Variants in USH2A observed in about 807,000 individuals in gnomAD.
USH2A encodes Usher syndrome 2A (autosomal recessive, mild).
In USH2A, 443 loss-of-function variants were observed where a neutral mutation model predicts 538.9. The observed-to-expected ratio is 0.82, with a 90% CI of 0.76 to 0.89. USH2A has a LOEUF of 0.89. Ranked by LOEUF, USH2A falls within the 40% of genes least tolerant of loss-of-function variation. The pLI is 0.00. For missense variants in USH2A, 6,633 were observed against 6,324.8 expected (o/e 1.05, Z -1.65); for synonymous variants, 2,413 against 2,273.5 (o/e 1.06, Z -1.75).
intron 3 of USH2A, among the ~76,000 whole-genome samples, chr1:216,405,572 A>G (rs2039381700): frequency 6.6e-6 from 1 of 152,210 alleles, no homozygotes. Flanking sequence ...GATGTGCACA[A>G]TCTGGAGCAC....
rs1462312577 is a variant in USH2A at position 215,741,461 on chromosome 1, A to C, written c.11625T>G (p.Leu3875=). Residue 3875 remains leucine (L), a synonymous_variant, in exon 60 of 72, where the codon CTT becomes CTG. Coordinates refer to ENST00000307340, the MANE Select transcript of USH2A (RefSeq NM_206933.4). ...CTATGCAAGCTGACCCCAGTGCCTT[A>C]AGAACAGGAGAATTAAGATCCATTG... ...AAPMDLNSPV[L]KALGSACIEI... 2 of 1,614,104 alleles carry C rather than the reference A, an allele frequency of 1.2e-6. No homozygotes were observed. Among genetic ancestry groups the C allele is most frequent in the Admixed American group, 3.3e-5 (2 of 60,012 alleles).
chr1:215,905,668 G>C (rs1665622490), intron 38 of USH2A, among the ~76,000 whole-genome samples: 1 of 151,982 alleles, frequency 6.6e-6, no homozygotes, highest in African/African-American at 2.4e-5. Flanking sequence ...CTGCCCTGGG[G>C]GTACTATCAG....
At chr1:215,818,425 TTAAC>T (rs769359813) in intron 47 of USH2A, among the ~76,000 whole-genome samples, 11 of 151,866 alleles carry the variant, frequency 7.2e-5, no homozygotes, top group Admixed American at 4.6e-4. Context: ...CAATAACTCT[TTAAC>T]TAGCATGGTC....
At chr1:215,806,213 A>G (rs2102786216) in intron 49 of USH2A, among the ~76,000 whole-genome samples, 1 of 152,262 alleles carries the variant, frequency 6.6e-6, no homozygotes, top group East Asian at 1.9e-4. Context: ...CACATATCAA[A>G]TAATTTTCAG....
Position 215,820,471 on chromosome 1 carries a change from A to G in USH2A, c.9372-3276T>C, listed in dbSNP as rs74593578. Among the ~76,000 whole-genome samples the G allele has an allele frequency of 5.4e-3, 827 of 151,860 alleles. 6 individuals carry two copies. The highest frequency in any genetic ancestry group is 0.018 in the African/African-American group (766 of 41,522). The stretch of plus-strand genomic sequence containing the variant: ...ATATATTTTAATCAATACATAATAG[A>G]TGTACATATTTCAGGGTCCATGTGA... On this transcript the variant is annotated intron_variant, in intron 47 of 71. Coordinates refer to ENST00000307340, the MANE Select transcript of USH2A (RefSeq NM_206933.4).
chr1:215,841,148 C>A (rs1663666164), intron 46 of USH2A, among the ~76,000 whole-genome samples: 1 of 152,148 alleles, frequency 6.6e-6, no homozygotes, highest in Admixed American at 6.5e-5. Context: ...CAATGATATT[C>A]CCATTAAACT....
intron 3 of USH2A, among the ~76,000 whole-genome samples, chr1:216,386,543 A>AC (rs2039011892): frequency 2.5e-4 from 1 of 4,040 alleles, no homozygotes; most frequent in South Asian, 7.8e-3. Flanking sequence ...CCAAAAAACT[A>AC]TATATATATA....
At chr1:215,999,083 A>G in intron 33 of USH2A, 25 bp from the exon 34 acceptor site, 1 of 1,597,252 alleles carries the variant, frequency 6.3e-7, no homozygotes, top group Non-Finnish European at 8.6e-7. Context: ...ATACATTATT[A>G]TCATTCATTC....
chr1:216,198,483 G>A lies in USH2A; in HGVS notation c.3913C>T (p.Pro1305Ser). The A allele has an allele frequency of 6.2e-7, 1 of 1,614,010 alleles. No homozygotes were observed. Among genetic ancestry groups the A allele is most frequent in the Non-Finnish European group, 8.5e-7 (1 of 1,179,964 alleles). ...TTGGCCGATTCTACAAATGAATGAGGACTGAGCCAACCACTGCTCTGAAAA... is the reference window on the plus strand; with the variant it reads ...TTGGCCGATTCTACAAATGAATGAGAACTGAGCCAACCACTGCTCTGAAAA... ...RVFQSSGWLS[P>S]HSFVESANEN... The change falls in exon 18 of 72, where the codon CCT becomes TCT. Residue 1305 changes from proline to serine, a missense_variant. By Grantham distance (74) the Pro-to-Ser change is moderately conservative (BLOSUM62 -1). Coordinates refer to ENST00000307340, the MANE Select transcript of USH2A (RefSeq NM_206933.4).
At chr1:215,865,307 C>T (rs952282114) in intron 44 of USH2A, among the ~76,000 whole-genome samples, 2 of 152,148 alleles carry the variant, frequency 1.3e-5, no homozygotes, top group African/African-American at 4.8e-5. Flanking sequence ...CAGCAGATTG[C>T]ATTACCTACA....
intron 9 of USH2A, among the ~76,000 whole-genome samples, chr1:216,313,348 GT>G (rs1185417796): frequency 6.6e-6 from 1 of 152,138 alleles, no homozygotes; most frequent in Non-Finnish European, 1.5e-5. Context: ...TCTAGGATTA[GT>G]TTTCAGTTTT....
chr1:216,187,939 T>G (rs1286848286), intron 20 of USH2A, among the ~76,000 whole-genome samples: 1 of 151,952 alleles, frequency 6.6e-6, no homozygotes, highest in Non-Finnish European at 1.5e-5. Flanking sequence ...GGCTAACCAT[T>G]TTTTTCCCCT....
At chr1:216,045,091 T>G (rs1368407368) in intron 32 of USH2A, among the ~76,000 whole-genome samples, 1 of 152,100 alleles carries the variant, frequency 6.6e-6, no homozygotes, top group East Asian at 1.9e-4. Flanking sequence ...TATTACAACC[T>G]TAGTACCTGG....
chr1:215,954,884 T>C (rs925576674), intron 37 of USH2A, among the ~76,000 whole-genome samples: 3 of 152,122 alleles, frequency 2.0e-5, no homozygotes, highest in African/African-American at 7.2e-5. Flanking sequence ...CTAGCTACAA[T>C]GTCCTTCTTT....
intron 40 of USH2A, among the ~76,000 whole-genome samples, chr1:215,896,444 T>A (rs1417641859): frequency 6.6e-6 from 1 of 152,188 alleles, no homozygotes; most frequent in East Asian, 1.9e-4. Context: ...TCTTATTTCC[T>A]GGGAAATCTT....
At position 215,878,975 on chromosome 1, in the gene USH2A, G is replaced by A. The variant is rs764559200; in HGVS notation, c.8347C>T (p.Leu2783=). 35 of 1,613,998 alleles carry A rather than the reference G, an allele frequency of 2.2e-5. No individual in the cohort carries two copies. Among genetic ancestry groups the A allele is most frequent in the African/African-American group, 2.7e-5 (2 of 74,926 alleles). The change falls in exon 42 of 72, where the codon CTG becomes TTG. Residue 2783 remains leucine, a synonymous_variant. Coordinates refer to ENST00000307340, the MANE Select transcript of USH2A (RefSeq NM_206933.4). ...ACAGAATAATTAGTGAAAGGAATCA[G>A]ATGAGTAACTTTTTGACTTAACACT... The part of the protein sequence containing the change: ...SAVLSQKVTH[L]IPFTNYSVTI...
chr1:216,128,195 T>C lies in USH2A; in HGVS notation c.4628-30982A>G, dbSNP rs564998115. 3.9e-5 allele frequency among the ~76,000 whole-genome samples: 6 copies of C among 152,290 alleles called. No homozygotes were observed. In the East Asian group the frequency reaches 1.2e-3, roughly 29 times the overall value. On this transcript the variant is annotated intron_variant, in intron 21 of 71. Coordinates refer to ENST00000307340, the MANE Select transcript of USH2A (RefSeq NM_206933.4). ...TCAGATAATATTATATAGTTAAAAG[T>C]TGATTGAAAATTTATGTATGCCCAA...
Position 215,912,477 on chromosome 1 carries a change from G to GTA in USH2A, c.7301-11574_7301-11573dup, listed in dbSNP as rs1169263958. Among the ~76,000 whole-genome samples, 8 of 15,420 alleles carry GTA rather than the reference G, an allele frequency of 5.2e-4. 1 individual carries two copies. Among genetic ancestry groups the GTA allele is most frequent in the Non-Finnish European group, 1.0e-3 (7 of 6,758 alleles). The allele number at this position is 15,420 out of a possible 152,430, so 10.1% of individuals were successfully genotyped here. A position where few individuals can be genotyped will look rare whatever the true frequency, so the allele number is the denominator to read the frequency against. Reference sequence around the variant, plus strand: ...TGTATATATATATATATATATATACGTATATATATATATGTGTATATATAT... The same window carrying GTA: ...TGTATATATATATATATATATATACGTATATATATATATATGTGTATATATAT... On this transcript the variant is annotated intron_variant, in intron 38 of 71. Coordinates refer to ENST00000307340, the MANE Select transcript of USH2A (RefSeq NM_206933.4).
chr1:215,959,225 C>T (rs1056200180), intron 37 of USH2A, among the ~76,000 whole-genome samples: 14 of 151,746 alleles, frequency 9.2e-5, no homozygotes, highest in African/African-American at 3.4e-4. Flanking sequence ...ATATAACCAC[C>T]TAGAGATAAC....
Sources: allele counts gnomAD v4.1 joint callset (sites outside exome capture counted in the v4.1 genomes callset), GRCh38; gene constraint gnomAD v4.1.1; transcripts MANE v1.5; gene names NCBI Gene and HGNC (gene_info 2026-07-23, HGNC 2026-07-21).